CSF2RA: variants seen among roughly 807,000 people sequenced by gnomAD.
CSF2RA encodes granulocyte-macrophage colony-stimulating factor receptor subunit alpha.
A neutral mutation model predicts 51.6 loss-of-function variants in CSF2RA; 42 were observed. That is an observed-to-expected ratio of 0.81 (90% confidence interval 0.64 to 1.05). The LOEUF is 1.05. Ranked by LOEUF, CSF2RA falls within the 50% of genes least tolerant of loss-of-function variation. The probability of loss-of-function intolerance (pLI) is 0.00; values close to 1 mark genes in which losing one functional copy is unlikely to be tolerated. For missense variants in CSF2RA, 530 were observed against 501.1 expected, an observed-to-expected ratio of 1.06 and a Z score of -0.55; for synonymous variants, 222 against 193.0, an observed-to-expected ratio of 1.15 and a Z score of -1.24.
At chrX:1,314,287 CATCT>C (rs1569514741), downstream of CSF2RA, among the ~76,000 whole-genome samples, 1 of 74,362 alleles carries the variant, frequency 1.3e-5, no homozygotes, top group African/African-American at 4.2e-5. Flanking sequence ...AACCCCACTG[CATCT>C]GCCCAACCAC....
the CSF2RA span, among the ~76,000 whole-genome samples, chrX:1,323,650 G>A: frequency 6.6e-6 from 1 of 152,082 alleles, no homozygotes; most frequent in Non-Finnish European, 1.5e-5. Flanking sequence ...TTGGGAGGCT[G>A]AGGCAGCAAG....
At chrX:1,279,547 A>G (rs1420933372) in intron 2 of CSF2RA, among the ~76,000 whole-genome samples, 1 of 151,584 alleles carries the variant, frequency 6.6e-6, no homozygotes, top group Non-Finnish European at 1.5e-5. Flanking sequence ...CTAGGGTGCC[A>G]CAGGAGAGTC....
chrX:1,321,768 C>T, the CSF2RA span, among the ~76,000 whole-genome samples: 2 of 152,158 alleles, frequency 1.3e-5, no homozygotes, highest in Admixed American at 6.6e-5. Context: ...TAGCTGAGAA[C>T]GTCCACATCA....
chrX:1,312,246 G>C (rs1306126141), downstream of CSF2RA, among the ~76,000 whole-genome samples: 6 of 152,012 alleles, frequency 3.9e-5, no homozygotes, highest in Non-Finnish European at 8.8e-5. Context: ...TTCCTTATAA[G>C]GACAATTGTA....
Position 1,301,854 on chromosome X carries a change from C to T in CSF2RA, c.946+1228C>T, listed in dbSNP as rs1351496405. 5.3e-5 allele frequency among the ~76,000 whole-genome samples: 8 copies of T among 150,944 alleles called. No individual in the cohort carries two copies. In the Admixed American group the frequency reaches 5.3e-4, roughly 10 times the overall value. ...ATCTCCTGACCTCGTGATCCGCCCA[C>T]CTCGGCCTCCCAAAGTGCTGGGATT... On this transcript the variant is annotated intron_variant, in intron 10 of 12. Transcript: ENST00000381529.
At chrX:1,315,436 T>C in the CSF2RA span, among the ~76,000 whole-genome samples, 19 of 152,112 alleles carry the variant, frequency 1.2e-4, no homozygotes, top group African/African-American at 1.7e-4. Flanking sequence ...CAGAGTCTCA[T>C]TCTGTCACCC....
At chrX:1,294,040 G>A in intron 7 of CSF2RA, 1 of 176,350 alleles carries the variant, frequency 5.7e-6, no homozygotes, top group Non-Finnish European at 1.0e-5. Flanking sequence ...GACAGGAGAA[G>A]ACTGCACCAC....
chrX:1,269,138 GTGT>G (rs1339319330), intron 1 of CSF2RA, among the ~76,000 whole-genome samples: 10 of 151,918 alleles, frequency 6.6e-5, no homozygotes, highest in Admixed American at 3.3e-4. Context: ...AAAGAGGGAG[GTGT>G]TGTTGGAGGA....
In CSF2RA at chrX:1,309,527, C is replaced by G. The variant is rs368547679; in HGVS notation, c.*48C>G. On this transcript the variant is annotated 3_prime_UTR_variant, in exon 13 of 13. Coordinates refer to ENST00000381529, the MANE Select transcript of CSF2RA (RefSeq NM_172245.4). ...CATGGACATCTCCGCCTCCGCGACA[C>G]GGGGGAACTGTTTTCTTGATGATGC... 3 of 1,613,816 alleles carry G rather than the reference C, an allele frequency of 1.9e-6. No individual in the cohort carries two copies. The highest frequency in any genetic ancestry group is 4.5e-5 in the East Asian group (2 of 44,890).
chrX:1,285,673 G>T, intron 3 of CSF2RA, 105 bp from the exon 4 acceptor site: 1 of 1,356,798 alleles, frequency 7.4e-7, no homozygotes, highest in Non-Finnish European at 9.9e-7. Flanking sequence ...CTGCACTCCA[G>T]CCTGGGAGAC....
intron 1 of CSF2RA, among the ~76,000 whole-genome samples, chrX:1,270,426 C>T (rs1280145589): frequency 2.0e-5 from 3 of 151,740 alleles, no homozygotes; most frequent in African/African-American, 4.8e-5. Flanking sequence ...TTTGTAGGGA[C>T]GAGGGTTTCA....
chrX:1,315,814 G>C, the CSF2RA span, among the ~76,000 whole-genome samples: 1 of 143,040 alleles, frequency 7.0e-6, no homozygotes, highest in South Asian at 2.3e-4. Flanking sequence ...TAGATAGATA[G>C]ATAGATTAGA....
chrX:1,309,502 C>T lies in CSF2RA; in HGVS notation c.*23C>T, dbSNP rs1454237162. On this transcript the variant is annotated 3_prime_UTR_variant, in exon 13 of 13. Coordinates refer to ENST00000381529, the MANE Select transcript of CSF2RA (RefSeq NM_172245.4). ...TGAGACCCAGAGGGTGTAGGAATGG[C>T]ATGGACATCTCCGCCTCCGCGACAC... The T allele has an allele frequency of 1.9e-6, 3 of 1,613,840 alleles. No homozygotes were observed. Among genetic ancestry groups the T allele is most frequent in the Non-Finnish European group, 2.5e-6 (3 of 1,179,854 alleles).
the CSF2RA span, among the ~76,000 whole-genome samples, chrX:1,323,976 T>C: frequency 6.6e-6 from 1 of 151,448 alleles, no homozygotes; most frequent in Non-Finnish European, 1.5e-5. Flanking sequence ...ATCACCCCAC[T>C]GCATTCCAGC....
At chrX:1,296,223 G>A (rs73177337) in intron 9 of CSF2RA, among the ~76,000 whole-genome samples, 42,580 of 148,430 alleles carry the variant, frequency 0.29, 6,273 homozygotes, top group African/African-American at 0.32. Context: ...GACCTCTGGC[G>A]GAACCCTACA....
At chrX:1,311,849 T>A (rs2084206680), downstream of CSF2RA, among the ~76,000 whole-genome samples, 1 of 152,174 alleles carries the variant, frequency 6.6e-6, no homozygotes, top group Non-Finnish European at 1.5e-5. Flanking sequence ...TTCCCACATC[T>A]AGAAAAGGCT....
At chrX:1,303,313 G>A in intron 10 of CSF2RA, 1 of 432,816 alleles carries the variant, frequency 2.3e-6, no homozygotes, top group Non-Finnish European at 4.1e-6. Flanking sequence ...TCGGCTCACT[G>A]CAACCTCCGT....
At chrX:1,305,387 T>C (rs1268514140) in intron 11 of CSF2RA, 59 bp from the exon 12 acceptor site, 10 of 1,582,326 alleles carry the variant, frequency 6.3e-6, no homozygotes, top group African/African-American at 2.7e-5. Flanking sequence ...AGGGCGTTGA[T>C]GGAAGGAACT....
chrX:1,323,665 C>A, the CSF2RA span, among the ~76,000 whole-genome samples: 1 of 151,980 alleles, frequency 6.6e-6, no homozygotes, highest in Admixed American at 6.6e-5. Context: ...AGCAAGATCT[C>A]TTGAATCCAG....
Sources: gnomAD v4.1 joint callset for allele counts (sites outside exome capture counted in the v4.1 genomes callset) on GRCh38, gnomAD v4.1.1 for gene constraint, MANE v1.5 for transcripts, NCBI Gene and HGNC (gene_info 2026-07-23, HGNC 2026-07-21) for gene names.